XKR4: variants seen among roughly 807,000 people sequenced by gnomAD.
XKR4 encodes XK related 4, also known as XK-related protein 4.
A neutral mutation model predicts 53.9 loss-of-function variants in XKR4; 12 were observed. The ratio of observed to expected loss-of-function variants is 0.22; its 90% CI spans 0.14 to 0.36. The LOEUF is 0.36. Among genes scored for constraint, XKR4 ranks in the 10% least tolerant of loss-of-function variants. XKR4 has a pLI of 1.00. For synonymous variants in XKR4, 354 were observed against 362.4 expected (o/e 0.98, Z 0.26); for missense variants, 799 against 859.5 (o/e 0.93, Z 0.88).
intron 2 of XKR4, among the ~76,000 whole-genome samples, chr8:55,445,556 CAG>C (rs1251263900): frequency 3.3e-5 from 5 of 152,000 alleles, no homozygotes; most frequent in Admixed American, 2.0e-4. Flanking sequence ...CCCTAGAAAT[CAG>C]AGTTTAAAAT....
At chr8:55,421,368 G>A (rs1216885352) in intron 2 of XKR4, among the ~76,000 whole-genome samples, 2 of 152,196 alleles carry the variant, frequency 1.3e-5, no homozygotes, top group Admixed American at 6.5e-5. Context: ...CTTGCCATAC[G>A]GTTTACTTGC....
At chr8:55,175,730 G>A (rs1817222223) in intron 1 of XKR4, among the ~76,000 whole-genome samples, 1 of 152,164 alleles carries the variant, frequency 6.6e-6, no homozygotes, top group Non-Finnish European at 1.5e-5. Context: ...TCTATTTTAG[G>A]TTTTGTCTGT....
At chr8:55,137,992 G>A (rs183991295) in intron 1 of XKR4, among the ~76,000 whole-genome samples, 61 of 152,098 alleles carry the variant, frequency 4.0e-4, no homozygotes, top group Non-Finnish European at 6.9e-4. Context: ...GATTGTTCTG[G>A]TATCTTGAAA....
chr8:55,504,099 G>A (rs1305861117), intron 2 of XKR4, among the ~76,000 whole-genome samples: 1 of 152,020 alleles, frequency 6.6e-6, no homozygotes, highest in Non-Finnish European at 1.5e-5. Context: ...GCTACTGAAT[G>A]CAGTTTGCCA....
At chr8:55,340,179 C>T (rs1803522068) in intron 1 of XKR4, among the ~76,000 whole-genome samples, 1 of 152,164 alleles carries the variant, frequency 6.6e-6, no homozygotes, top group South Asian at 2.1e-4. Context: ...TGCTCAAAGA[C>T]AAGAACAAAA....
chr8:55,454,912 G>C (rs377184814), intron 2 of XKR4: 1 of 770,920 alleles, frequency 1.3e-6, no homozygotes, highest in African/African-American at 1.7e-5. Flanking sequence ...AAGCAGCACA[G>C]TAGTGGCGCC....
chr8:55,483,583 C>T (rs1043057482), intron 2 of XKR4, among the ~76,000 whole-genome samples: 1 of 151,930 alleles, frequency 6.6e-6, no homozygotes, highest in Non-Finnish European at 1.5e-5. Flanking sequence ...GAAAACTAAA[C>T]AACACCCTTC....
chr8:55,341,150 C>T (rs747502243), intron 1 of XKR4, among the ~76,000 whole-genome samples: 9 of 151,848 alleles, frequency 5.9e-5, no homozygotes, highest in Non-Finnish European at 1.3e-4. Context: ...AAAGGTGGTC[C>T]CAGGAAGTAC....
intron 1 of XKR4, among the ~76,000 whole-genome samples, chr8:55,255,133 C>A (rs141412901): frequency 6.6e-6 from 1 of 152,306 alleles, no homozygotes; most frequent in Non-Finnish European, 1.5e-5. Flanking sequence ...CAATTACATT[C>A]ATGAGCTTTT....
intron 2 of XKR4, among the ~76,000 whole-genome samples, chr8:55,464,943 C>T (rs1455374072): frequency 1.3e-5 from 2 of 151,946 alleles, no homozygotes; most frequent in African/African-American, 2.4e-5. Flanking sequence ...TGTGAAGGAC[C>T]TCTTCAAGGA....
At chr8:55,429,495 G>C (rs1805069736) in intron 2 of XKR4, among the ~76,000 whole-genome samples, 2 of 152,054 alleles carry the variant, frequency 1.3e-5, no homozygotes, top group African/African-American at 4.8e-5. Flanking sequence ...AATTGCTTGA[G>C]GCCAGCAGTT....
chr8:55,179,983 G>A (rs1189613420), intron 1 of XKR4, among the ~76,000 whole-genome samples: 1 of 152,146 alleles, frequency 6.6e-6, no homozygotes, highest in East Asian at 1.9e-4. Flanking sequence ...TCTCCTAGAA[G>A]ACCTTAATTA....
At chr8:55,385,092 C>T (rs1804289808) in intron 2 of XKR4, among the ~76,000 whole-genome samples, 1 of 152,122 alleles carries the variant, frequency 6.6e-6, no homozygotes, top group African/African-American at 2.4e-5. Context: ...GGATGCTCTA[C>T]ATTGGCAATA....
rs1350784848 is a variant in XKR4, at chr8:55,530,446, T to C, written c.*6219T>C. On this transcript the variant is annotated 3_prime_UTR_variant, in exon 3 of 3. Coordinates refer to ENST00000327381, the MANE Select transcript of XKR4 (RefSeq NM_052898.2). ...TTTGTTGAATTGAATTATAAAATAA[T>C]TGATGTGTTCTTTCCCTTCTCACTT... 1.3e-5 allele frequency: 2 copies of C among 152,216 alleles called. No individual in the cohort carries two copies. The highest frequency in any genetic ancestry group is 2.4e-5 in the African/African-American group (1 of 41,470). The allele number at this position is 152,216 out of a possible 1,614,324, so 9.4% of individuals were successfully genotyped here. A position where few individuals can be genotyped will look rare whatever the true frequency, so the allele number is the denominator to read the frequency against.
At chr8:55,237,668 C>G (rs1818152351) in intron 1 of XKR4, among the ~76,000 whole-genome samples, 2 of 152,068 alleles carry the variant, frequency 1.3e-5, no homozygotes, top group South Asian at 4.2e-4. Flanking sequence ...AGCAGAGGGT[C>G]TAATGTATAG....
At chr8:55,462,104 A>G (rs545348709) in intron 2 of XKR4, among the ~76,000 whole-genome samples, 78 of 152,316 alleles carry the variant, frequency 5.1e-4, no homozygotes, top group African/African-American at 1.8e-3. Context: ...TCAACATTCA[A>G]ATTCAGAAAA....
Position 55,523,253 on chromosome 8 carries a change from C to A in XKR4, c.1007-28C>A, listed in dbSNP as rs550251863. 14 of 1,544,380 alleles carry A rather than the reference C, an allele frequency of 9.1e-6. No individual in the cohort carries two copies. In the South Asian group the frequency reaches 1.6e-4, roughly 18 times the overall value. The stretch of plus-strand genomic sequence containing the variant: ...GGGCATTGCTGCAACTGATTTCTGA[C>A]ACACTGTCTTCCTGTTTGCCTTTGT... On this transcript the variant is annotated intron_variant, in intron 2 of 2. Coordinates refer to ENST00000327381, the MANE Select transcript of XKR4 (RefSeq NM_052898.2).
rs1356336543 is a variant in XKR4 at position 55,428,064 on chromosome 8, T to C, written c.1006+70187T>C. On this transcript the variant is annotated intron_variant, in intron 2 of 2. Transcript: ENST00000327381. ...TTCAGTCTATGGGAACTGGATGTGA[T>C]TTATACAACTTTATGTGCTTTAAAA... is the stretch of plus-strand genomic sequence containing the variant. Among the ~76,000 whole-genome samples the C allele has an allele frequency of 2.6e-5, 4 of 152,340 alleles. No homozygotes were observed. The East Asian group carries it at 7.7e-4, about 29-fold the overall frequency.
chr8:55,297,733 G>A (rs1003316238), intron 1 of XKR4, among the ~76,000 whole-genome samples: 8 of 152,140 alleles, frequency 5.3e-5, no homozygotes, highest in African/African-American at 9.7e-5. Flanking sequence ...TTCAAGATAC[G>A]CCCAAAGGGG....
Sources: gnomAD v4.1 joint callset for allele counts (sites outside exome capture counted in the v4.1 genomes callset) on GRCh38, gnomAD v4.1.1 for gene constraint, MANE v1.5 for transcripts, NCBI Gene and HGNC (gene_info 2026-07-23, HGNC 2026-07-21) for gene names.